The following ASB3 variants were observed in gnomAD, a reference collection of about 807,000 sequenced individuals.
ASB3 encodes the protein ankyrin repeat and SOCS box protein 3.
ASB3 carries 41 observed loss-of-function variants against 54.5 expected under a neutral mutation model. That is an observed-to-expected ratio of 0.75 (90% CI 0.59 to 0.98). ASB3 has a LOEUF of 0.98. Among genes scored for constraint, ASB3 ranks in the 50% least tolerant of loss-of-function variants. The pLI is 0.00. For missense variants in ASB3, 733 were observed against 620.0 expected (o/e 1.18, Z -1.94); for synonymous variants, 266 against 221.2 (o/e 1.20, Z -1.80).
chr2:53,700,309 A>T lies in ASB3; in HGVS notation c.1200T>A (p.Val400=). ...KYKEWLPHLL[V]AGFDPLILLC... ...GTAGAATCAGTGGGTCAAATCCAGCAACCAGAAGATGTGGCAACCACTCCT... is the reference window on the plus strand; with the variant it reads ...GTAGAATCAGTGGGTCAAATCCAGCTACCAGAAGATGTGGCAACCACTCCT... Residue 400 remains valine, a synonymous_variant, in exon 8 of 10, where the codon GTT becomes GTA. Transcript: ENST00000263634. 1 of 1,614,060 alleles carries T rather than the reference A, an allele frequency of 6.2e-7. No individual in the cohort carries two copies. The highest frequency in any genetic ancestry group is 8.5e-7 in the Non-Finnish European group (1 of 1,179,986).
intron 8 of ASB3, among the ~76,000 whole-genome samples, chr2:53,696,987 A>T (rs1669217686): frequency 6.6e-6 from 1 of 152,160 alleles, no homozygotes; most frequent in South Asian, 2.1e-4. Context: ...CCAGGAAATT[A>T]AGGCATTCTT....
intron 3 of ASB3, among the ~76,000 whole-genome samples, chr2:53,745,698 G>A (rs1672184407): frequency 6.6e-6 from 1 of 152,186 alleles, no homozygotes; most frequent in Non-Finnish European, 1.5e-5. Flanking sequence ...AGTGCTAACT[G>A]GGCCATCAGG....
intron 8 of ASB3, among the ~76,000 whole-genome samples, chr2:53,697,639 A>G (rs1669257076): frequency 1.3e-5 from 2 of 152,164 alleles, no homozygotes; most frequent in African/African-American, 2.4e-5. Context: ...CCAAAATTCA[A>G]TGGTGGGACA....
chr2:53,691,442 C>T (rs1395846652), intron 9 of ASB3, among the ~76,000 whole-genome samples: 1 of 151,068 alleles, frequency 6.6e-6, no homozygotes, highest in Non-Finnish European at 1.5e-5. Context: ...AGTATCTTTT[C>T]AAAAAAAAAT....
intron 7 of ASB3, among the ~76,000 whole-genome samples, chr2:53,706,631 G>T (rs536430316): frequency 6.6e-6 from 1 of 152,176 alleles, no homozygotes; most frequent in South Asian, 2.1e-4. Context: ...ATTTTTAGGA[G>T]AGACGGGGTT....
At chr2:53,701,044 A>G (rs547834618) in intron 7 of ASB3, among the ~76,000 whole-genome samples, 1 of 152,252 alleles carries the variant, frequency 6.6e-6, no homozygotes, top group East Asian at 1.9e-4. Context: ...GGCACAATCA[A>G]GGCTCACTGT....
rs529079989 is a variant in ASB3 at position 53,685,614 on chromosome 2, A to G, written c.1369+8270T>C. Among the ~76,000 whole-genome samples, 14 of 152,360 alleles carry G rather than the reference A, an allele frequency of 9.2e-5. 1 individual carries two copies. The highest frequency in any genetic ancestry group is 2.9e-4 in the African/African-American group (12 of 41,584). Reference sequence around the variant, plus strand: ...CACTAAGAAGCAAGTCCAAAGAAATATATGTGGTATGGAAAGACTACCTTA... The same window carrying G: ...CACTAAGAAGCAAGTCCAAAGAAATGTATGTGGTATGGAAAGACTACCTTA... On this transcript the variant is annotated intron_variant, in intron 9 of 9. Transcript: ENST00000263634.
chr2:53,731,414 A>G (rs756380039), intron 3 of ASB3, among the ~76,000 whole-genome samples: 119 of 152,206 alleles, frequency 7.8e-4, no homozygotes, highest in Non-Finnish European at 9.4e-4. Context: ...CTCAAAAAAC[A>G]AAACAAAACA....
chr2:53,755,970 T>G lies in ASB3; in HGVS notation c.197-5029A>C, dbSNP rs77828729. Among the ~76,000 whole-genome samples, 92 of 144,942 alleles carry G rather than the reference T, an allele frequency of 6.3e-4. 1 individual carries two copies. The East Asian group carries it at 0.018, about 28-fold the overall frequency. ...AGTTTTGAGACCAACCTGGACAAAA[T>G]AGTAAGACCCCCCCCCCACCTCTAC... On this transcript the variant is annotated intron_variant, in intron 2 of 9. Transcript: ENST00000263634.
chr2:53,674,996 G>A (rs1019099814), intron 9 of ASB3, among the ~76,000 whole-genome samples: 9 of 152,256 alleles, frequency 5.9e-5, no homozygotes, highest in East Asian at 3.9e-4. Flanking sequence ...CTGTGCTGGC[G>A]CTGAGGTGCC....
chr2:53,715,765 T>C (rs918430188), intron 6 of ASB3, among the ~76,000 whole-genome samples: 7 of 152,182 alleles, frequency 4.6e-5, no homozygotes, highest in Non-Finnish European at 1.0e-4. Flanking sequence ...AGTAAAGTAC[T>C]GTGTCACCTA....
In ASB3 at chr2:53,766,171, G is replaced by C. The variant is rs186480349; in HGVS notation, c.-13-586C>G. Among the ~76,000 whole-genome samples the C allele has an allele frequency of 1.8e-4, 27 of 152,270 alleles. No homozygotes were observed. In the East Asian group the frequency reaches 5.0e-3, roughly 28 times the overall value. ...CAGATTCTCTATGCTTGACCAAATA[G>C]ACCCACTGACTGAGCATACTGAAAC... On this transcript the variant is annotated intron_variant, in intron 1 of 9. Transcript: ENST00000263634.
chr2:53,722,177 A>T (rs1394047083), intron 5 of ASB3, among the ~76,000 whole-genome samples: 2 of 141,226 alleles, frequency 1.4e-5, no homozygotes, highest in South Asian at 2.3e-4. Flanking sequence ...AATCCATAAT[A>T]AAAAAAAAAA....
At chr2:53,773,124 C>T (rs992195191) in intron 1 of ASB3, among the ~76,000 whole-genome samples, 5 of 151,996 alleles carry the variant, frequency 3.3e-5, no homozygotes, top group Admixed American at 2.0e-4. Context: ...ATTGATACTA[C>T]GAAAAGCATT....
At chr2:53,771,723 T>C (rs535895121) in intron 1 of ASB3, among the ~76,000 whole-genome samples, 9 of 152,278 alleles carry the variant, frequency 5.9e-5, no homozygotes, top group African/African-American at 1.9e-4. Context: ...CAACACAGTC[T>C]CTAGATAAGG....
chr2:53,750,950 G>T lies in ASB3; in HGVS notation c.197-9C>A. 1 of 1,516,728 alleles carries T rather than the reference G, an allele frequency of 6.6e-7. No individual in the cohort carries two copies. Among genetic ancestry groups the T allele is most frequent in the African/African-American group, 1.4e-5 (1 of 71,202 alleles). 94.0% of individuals were successfully genotyped at this position (1,516,728 alleles called of 1,614,324 possible). A position where few individuals can be genotyped will look rare whatever the true frequency, so the allele number is the denominator to read the frequency against. The stretch of plus-strand genomic sequence containing the variant: ...GTAGTTTTCAGATGAATCTGTGGAA[G>T]AATCAAAGCCCATCAACTAGAAGGT... On this transcript the variant is annotated splice_polypyrimidine_tract_variant and intron_variant, in intron 2 of 9. Transcript: ENST00000263634.
intron 3 of ASB3, among the ~76,000 whole-genome samples, chr2:53,748,855 T>C (rs1672369188): frequency 6.6e-6 from 1 of 152,148 alleles, no homozygotes; most frequent in Non-Finnish European, 1.5e-5. Context: ...AAAAATTGAA[T>C]GAGGGCTGTA....
chr2:53,732,764 G>C (rs1671391770), intron 3 of ASB3, among the ~76,000 whole-genome samples: 1 of 152,118 alleles, frequency 6.6e-6, no homozygotes. Flanking sequence ...CACAGCCCTT[G>C]TTAATTATTT....
chr2:53,744,831 T>TTA, intron 3 of ASB3, among the ~76,000 whole-genome samples: 1 of 152,372 alleles, frequency 6.6e-6, no homozygotes, highest in Middle Eastern at 3.4e-3. Flanking sequence ...TTAAAGCATA[T>TTA]GCTATGTGAG....
Sources: gnomAD v4.1 joint callset for allele counts (sites outside exome capture counted in the v4.1 genomes callset) on GRCh38, gnomAD v4.1.1 for gene constraint, MANE v1.5 for transcripts, NCBI Gene and HGNC (gene_info 2026-07-23, HGNC 2026-07-21) for gene names.